Variants in ST7 observed in about 807,000 individuals in gnomAD.
ST7 encodes suppressor of tumorigenicity 7 protein.
A neutral mutation model predicts 78.7 loss-of-function variants in ST7; 28 were observed. The ratio of observed to expected loss-of-function variants is 0.36; its 90% CI spans 0.26 to 0.49. The LOEUF is 0.49. Among genes scored for constraint, ST7 ranks in the 20% least tolerant of loss-of-function variants. The probability of loss-of-function intolerance (pLI) is 0.99; values close to 1 mark genes in which losing one functional copy is unlikely to be tolerated. For synonymous variants in ST7, 247 were observed against 249.6 expected, an observed-to-expected ratio of 0.99 and a Z score of 0.10; for missense variants, 418 against 696.0, an observed-to-expected ratio of 0.60 and a Z score of 4.49.
chr7:117,172,796 A>G (rs997691762), intron 10 of ST7, among the ~76,000 whole-genome samples: 4 of 152,226 alleles, frequency 2.6e-5, no homozygotes, highest in African/African-American at 7.2e-5. Context: ...ATGCTGACCT[A>G]TACTCAATCT....
At chr7:117,176,927 C>T (rs944201378) in intron 10 of ST7, among the ~76,000 whole-genome samples, 3 of 152,124 alleles carry the variant, frequency 2.0e-5, no homozygotes, top group Non-Finnish European at 4.4e-5. Context: ...AAACCTAGTC[C>T]GGCTCATTTC....
At chr7:117,175,289 A>C (rs1368577798) in intron 10 of ST7, among the ~76,000 whole-genome samples, 1 of 152,246 alleles carries the variant, frequency 6.6e-6, no homozygotes, top group South Asian at 2.1e-4. Context: ...AGCCGTTGCA[A>C]AAGTTCTTAC....
intron 6 of ST7, among the ~76,000 whole-genome samples, chr7:117,133,348 T>A (rs1196495838): frequency 6.6e-6 from 1 of 151,924 alleles, no homozygotes; most frequent in Non-Finnish European, 1.5e-5. Flanking sequence ...GATTTGCCCA[T>A]CCAGTCCAGT....
intron 1 of ST7, among the ~76,000 whole-genome samples, chr7:116,983,363 T>G (rs970707640): frequency 1.3e-5 from 2 of 152,208 alleles, no homozygotes; most frequent in Non-Finnish European, 2.9e-5. Flanking sequence ...TATTTACTTA[T>G]TTGCTTAACC....
chr7:117,187,622 C>G (rs917060583), intron 10 of ST7: 4 of 152,082 alleles, frequency 2.6e-5, no homozygotes, highest in Non-Finnish European at 5.9e-5. Context: ...TGAAAGTGTC[C>G]ATTTGATTGA....
At chr7:117,056,537 A>G (rs1798073108) in intron 1 of ST7, among the ~76,000 whole-genome samples, 1 of 152,172 alleles carries the variant, frequency 6.6e-6, no homozygotes, top group South Asian at 2.1e-4. Flanking sequence ...CGGGAGCCTG[A>G]GGCAGGAGAA....
At chr7:117,086,014 T>TC (rs540930101) in intron 1 of ST7, among the ~76,000 whole-genome samples, 56 of 152,168 alleles carry the variant, frequency 3.7e-4, no homozygotes, top group Middle Eastern at 3.4e-3. Flanking sequence ...TTCCCTCCTC[T>TC]CCCCTCCCCT....
chr7:117,073,492 A>G (rs1376417056), intron 1 of ST7, among the ~76,000 whole-genome samples: 1 of 152,198 alleles, frequency 6.6e-6, no homozygotes, highest in East Asian at 1.9e-4. Flanking sequence ...TTATTGAATA[A>G]TAACTGCCTA....
chr7:117,057,426 A>G (rs919707322), intron 1 of ST7, among the ~76,000 whole-genome samples: 1 of 152,150 alleles, frequency 6.6e-6, no homozygotes, highest in Non-Finnish European at 1.5e-5. Flanking sequence ...TACTCTTTCC[A>G]TATTGTTGAT....
chr7:117,024,827 G>A (rs575961803), intron 1 of ST7, among the ~76,000 whole-genome samples: 1 of 152,246 alleles, frequency 6.6e-6, no homozygotes, highest in Non-Finnish European at 1.5e-5. Flanking sequence ...CCTGGGGTAG[G>A]CAGCCAGATG....
chr7:117,131,768 CA>C (rs869159357), intron 5 of ST7, 116 bp from the exon 6 acceptor site: 1 of 910,988 alleles, frequency 1.1e-6, no homozygotes, highest in Non-Finnish European at 1.7e-6. Context: ...ACCCTCTTAG[CA>C]ATGAAATATG....
At chr7:117,168,616 C>G (rs2117255071) in intron 9 of ST7, among the ~76,000 whole-genome samples, 1 of 152,120 alleles carries the variant, frequency 6.6e-6, no homozygotes, top group East Asian at 1.9e-4. Flanking sequence ...TCTTATTCAC[C>G]TCCTTTATCA....
intron 1 of ST7, among the ~76,000 whole-genome samples, chr7:117,016,016 G>C (rs1291509282): frequency 6.6e-6 from 1 of 152,106 alleles, no homozygotes; most frequent in Non-Finnish European, 1.5e-5. Context: ...TAAAAGTTTT[G>C]TGAAATTGCT....
chr7:117,065,626 C>T (rs1487661714), intron 1 of ST7, among the ~76,000 whole-genome samples: 2 of 152,154 alleles, frequency 1.3e-5, no homozygotes, highest in African/African-American at 4.8e-5. Flanking sequence ...CTTTTTATTT[C>T]TGTGTATCTG....
chr7:117,218,344 G>A (rs193591), intron 13 of ST7, among the ~76,000 whole-genome samples: 88,073 of 151,936 alleles, frequency 0.58, 27,562 homozygotes, highest in East Asian at 0.89. Flanking sequence ...TGATGACATT[G>A]TAACAGGGAG....
intron 1 of ST7, among the ~76,000 whole-genome samples, chr7:117,065,204 CTTTTTTTTTTTTT>C (rs11363365): frequency 1.1e-5 from 1 of 91,824 alleles, no homozygotes; most frequent in African/African-American, 4.1e-5. Context: ...TGGTTCAAGT[CTTTTTTTTTTTTT>C]TTTTTTTTTT....
At chr7:117,180,626 A>G (rs1808680382) in intron 10 of ST7, among the ~76,000 whole-genome samples, 1 of 152,178 alleles carries the variant, frequency 6.6e-6, no homozygotes, top group Non-Finnish European at 1.5e-5. Context: ...AACAAAAGTA[A>G]CAAAAAGTGA....
chr7:117,215,393 A>G (rs531676749), intron 13 of ST7, among the ~76,000 whole-genome samples: 2 of 152,222 alleles, frequency 1.3e-5, no homozygotes, highest in African/African-American at 2.4e-5. Context: ...TTTTACTTAT[A>G]AACTAGAGTA....
At chr7:117,139,036 A>G (rs1022456078) in intron 9 of ST7, among the ~76,000 whole-genome samples, 5 of 152,190 alleles carry the variant, frequency 3.3e-5, no homozygotes, top group African/African-American at 1.2e-4. Flanking sequence ...AGTTGTTTCA[A>G]GCATTTTCCT....
Sources: gnomAD v4.1 joint callset for allele counts (sites outside exome capture counted in the v4.1 genomes callset) on GRCh38, gnomAD v4.1.1 for gene constraint, MANE v1.5 for transcripts, NCBI Gene and HGNC (gene_info 2026-07-23, HGNC 2026-07-21) for gene names.